Variants in LINGO1 observed in about 807,000 individuals in gnomAD.
The protein encoded by LINGO1 is leucine rich repeat and Ig domain containing 1, also known as leucine-rich repeat and immunoglobulin-like domain-containing nogo receptor-interacting protein 1.
A neutral mutation model predicts 37.3 loss-of-function variants in LINGO1; 11 were observed. The observed-to-expected ratio is 0.29, with a 90% CI of 0.19 to 0.49. The LOEUF is 0.49. Among genes scored for constraint, LINGO1 ranks in the 20% least tolerant of loss-of-function variants. The probability of loss-of-function intolerance (pLI) is 0.99; values close to 1 mark genes in which losing one functional copy is unlikely to be tolerated. For missense variants in LINGO1, 585 were observed against 878.2 expected (o/e 0.67, Z 4.22); for synonymous variants, 387 against 403.0 (o/e 0.96, Z 0.48).
intron 1 of LINGO1, among the ~76,000 whole-genome samples, chr15:77,753,737 G>GGC (rs1390253965): frequency 6.6e-6 from 1 of 152,170 alleles, no homozygotes. Flanking sequence ...GAGGGCTGGA[G>GGC]GCACACACAC....
Position 77,614,894 on chromosome 15 carries a change from C to A in LINGO1, c.1013G>T (p.Arg338Leu). ...PYAFRGLNYLRVLNVSGNQLT... is the reference protein window; with the variant it reads ...PYAFRGLNYLLVLNVSGNQLT... ...CTGGTTGCCAGAGACATTGAGCACGCGCAGGTAGTTGAGGCCGCGGAAGGC... is the reference window on the plus strand; with the variant it reads ...CTGGTTGCCAGAGACATTGAGCACGAGCAGGTAGTTGAGGCCGCGGAAGGC... Residue 338 changes from arginine to leucine, a missense_variant, in exon 2 of 2, where the codon CGC becomes CTC. Physicochemically the swap from Arg to Leu is moderately radical, Grantham distance 102. Around this residue, in one of 4 missense-constraint regions of LINGO1, gnomAD observed 484 missense variants for 735.0 expected, o/e 0.66. Transcript: ENST00000355300. 6.2e-7 allele frequency: 1 copy of A among 1,613,952 alleles called. No individual in the cohort carries two copies. The highest frequency in any genetic ancestry group is 8.5e-7 in the Non-Finnish European group (1 of 1,179,892).
chr15:77,669,938 A>C (rs748858857), intron 3 of LINGO1, among the ~76,000 whole-genome samples: 5 of 152,210 alleles, frequency 3.3e-5, no homozygotes, highest in Non-Finnish European at 7.3e-5. Flanking sequence ...AAAAAGTCAA[A>C]ACCACCCAAA....
intron 1 of LINGO1, among the ~76,000 whole-genome samples, chr15:77,736,135 C>T (rs2076201853): frequency 6.6e-6 from 1 of 152,192 alleles, no homozygotes; most frequent in Admixed American, 6.5e-5. Context: ...TACTGACTGC[C>T]ATCCCTTTGG....
At chr15:77,647,795 TGTC>T (rs1194273142) in intron 3 of LINGO1, 14 of 452,278 alleles carry the variant, frequency 3.1e-5, no homozygotes, top group Non-Finnish European at 5.3e-5. Context: ...CTTCTTTCCT[TGTC>T]TCTCTCTCAT....
At chr15:77,689,300 A>G (rs1295675920) in intron 2 of LINGO1, among the ~76,000 whole-genome samples, 6 of 151,356 alleles carry the variant, frequency 4.0e-5, no homozygotes, top group Non-Finnish European at 8.8e-5. Context: ...CACCGGGGGC[A>G]GGAAGAGCAA....
intron 2 of LINGO1, among the ~76,000 whole-genome samples, chr15:77,721,808 C>G (rs1596155331): frequency 6.6e-6 from 1 of 152,140 alleles, no homozygotes; most frequent in East Asian, 1.9e-4. Flanking sequence ...TTCATCCTCC[C>G]ACCCCGGGCC....
chr15:77,635,320 G>T (rs934158923), upstream of LINGO1, among the ~76,000 whole-genome samples: 10 of 152,190 alleles, frequency 6.6e-5, no homozygotes, highest in African/African-American at 1.9e-4. Context: ...CAACTTGGAG[G>T]ATAGGCCTTT....
At chr15:77,701,788 G>A (rs72746412) in intron 2 of LINGO1, among the ~76,000 whole-genome samples, 21,662 of 152,156 alleles carry the variant, frequency 0.14, 1,949 homozygotes, top group Non-Finnish European at 0.19. Context: ...AGCTCCCTGA[G>A]GCCCCCTCCC....
At chr15:77,701,417 C>T (rs890732186), upstream of LINGO1, among the ~76,000 whole-genome samples, 2 of 152,114 alleles carry the variant, frequency 1.3e-5, no homozygotes, top group Non-Finnish European at 2.9e-5. Flanking sequence ...CAAATTCCTG[C>T]CCCAAAGCAT....
At chr15:77,761,839 C>G (rs2076480367) in intron 1 of LINGO1, among the ~76,000 whole-genome samples, 1 of 152,214 alleles carries the variant, frequency 6.6e-6, no homozygotes, top group African/African-American at 2.4e-5. Flanking sequence ...CATTGAGGCC[C>G]TGTCACATGC....
At chr15:77,815,117 G>T (rs939176328) in intron 1 of LINGO1, among the ~76,000 whole-genome samples, 29 of 152,222 alleles carry the variant, frequency 1.9e-4, no homozygotes, top group African/African-American at 7.0e-4. Flanking sequence ...CCTGACCCTG[G>T]TGGCTAGCAG....
intron 1 of LINGO1, among the ~76,000 whole-genome samples, chr15:77,760,914 A>ATTTTT (rs2076469492): frequency 9.5e-6 from 1 of 105,676 alleles, no homozygotes; most frequent in African/African-American, 4.3e-5. Context: ...GTTAATAAGT[A>ATTTTT]TCTTTTTTTT....
intron 3 of LINGO1, chr15:77,660,072 A>G (rs2074954982): frequency 6.6e-6 from 1 of 152,238 alleles, no homozygotes; most frequent in Admixed American, 6.5e-5. Context: ...CATTCTGAAG[A>G]GGAGGAGTTG....
intron 2 of LINGO1, among the ~76,000 whole-genome samples, chr15:77,689,026 G>A (rs1329655954): frequency 2.0e-5 from 3 of 152,210 alleles, no homozygotes; most frequent in African/African-American, 7.2e-5. Context: ...CCACAGGCCG[G>A]AGCAGTCAGC....
chr15:77,782,979 C>T (rs879819794), intron 1 of LINGO1, among the ~76,000 whole-genome samples: 44 of 152,272 alleles, frequency 2.9e-4, no homozygotes, highest in Admixed American at 9.2e-4. Flanking sequence ...TCACTCCCCA[C>T]CCACCAGCCA....
chr15:77,629,835 T>C (rs2074200445), intron 1 of LINGO1, among the ~76,000 whole-genome samples: 1 of 152,104 alleles, frequency 6.6e-6, no homozygotes, highest in Admixed American at 6.5e-5. Flanking sequence ...ACTGGGCTGG[T>C]ACAATATTCA....
Position 77,614,663 on chromosome 15 carries a change from A to G in LINGO1, c.1244T>C (p.Leu415Pro), listed in dbSNP as rs1434152899. The change falls in exon 2 of 2, where the codon CTG becomes CCG. Residue 415 changes from leucine to proline, a missense_variant. Leu to Pro is a moderately conservative substitution (Grantham distance 98, BLOSUM62 -3). Transcript: ENST00000355300. ...GCGGCGGCAGGTGAAGTAGTTGGGC[A>G]GTAGCACATCAGGGAAGTCCTTGAA... ...KEFKDFPDVL[L>P]PNYFTCRRAR... 6.2e-7 allele frequency: 1 copy of G among 1,612,168 alleles called. No homozygotes were observed. The highest frequency in any genetic ancestry group is 1.3e-5 in the African/African-American group (1 of 75,044).
At chr15:77,750,497 G>C (rs1298888579) in intron 1 of LINGO1, among the ~76,000 whole-genome samples, 1 of 152,188 alleles carries the variant, frequency 6.6e-6, no homozygotes, top group African/African-American at 2.4e-5. Flanking sequence ...CTGCAAAGCA[G>C]CCTTCTCCCT....
chr15:77,818,490 G>A (rs78281737), intron 1 of LINGO1, among the ~76,000 whole-genome samples: 2,660 of 152,322 alleles, frequency 0.017, 80 homozygotes, highest in African/African-American at 0.062. Flanking sequence ...GCAGGTATGG[G>A]GCACCAGGCC....
Sources: allele counts gnomAD v4.1 joint callset (sites outside exome capture counted in the v4.1 genomes callset), GRCh38; gene constraint gnomAD v4.1.1; regional missense constraint gnomAD v4.1.1; transcripts MANE v1.5; gene names NCBI Gene and HGNC (gene_info 2026-07-23, HGNC 2026-07-21).